The following DNA2 variants were observed in gnomAD, a reference collection of about 807,000 sequenced individuals.
DNA2 encodes the protein DNA replication ATP-dependent helicase/nuclease DNA2.
DNA2 carries 101 observed loss-of-function variants against 119.1 expected under a neutral mutation model. That is an observed-to-expected ratio of 0.85 (90% CI 0.72 to 1.00). DNA2 has a LOEUF of 1.00. Ranked by LOEUF, DNA2 falls within the 50% of genes least tolerant of loss-of-function variation. The pLI, the probability that DNA2 is intolerant of heterozygous loss-of-function variation, is 0.00. For missense variants in DNA2, 1,121 were observed against 1,255.5 expected (o/e 0.89, Z 1.62); for synonymous variants, 366 against 424.4 (o/e 0.86, Z 1.69).
chr10:68,451,103 A>AT (rs2052111844), intron 5 of DNA2, among the ~76,000 whole-genome samples: 1 of 151,330 alleles, frequency 6.6e-6, no homozygotes, highest in African/African-American at 2.4e-5. Flanking sequence ...GTCTAAAAAA[A>AT]AAAAAAAAAA....
At chr10:68,443,328 C>T (rs1044696564) in intron 8 of DNA2, among the ~76,000 whole-genome samples, 11 of 152,146 alleles carry the variant, frequency 7.2e-5, no homozygotes, top group African/African-American at 2.4e-4. Context: ...TTGCCTTCAG[C>T]GACTATCCCC....
At chr10:68,424,777 T>G in intron 14 of DNA2, 2 of 1,350,710 alleles carry the variant, frequency 1.5e-6, no homozygotes, top group Non-Finnish European at 2.1e-6. Context: ...GTAGTCCAGG[T>G]GTACAGAAAG....
intron 10 of DNA2, among the ~76,000 whole-genome samples, chr10:68,434,474 C>T (rs1590056454): frequency 1.3e-5 from 1 of 75,238 alleles, no homozygotes; most frequent in Admixed American, 1.3e-4. Context: ...GTAGTGAGAC[C>T]CCCCCCATCT....
rs1274023485 is a variant in DNA2, at chr10:68,468,265, T to A, written c.299A>T (p.Glu100Val). Reference protein sequence around the residue: ...PVEPGDIIHLEGDCTSDTWII... With the variant: ...PVEPGDIIHLVGDCTSDTWII... ...CCAAGTGTCAGATGTGCAGTCTCCC[T>A]CCAAATGAATGATATCTCCTGGCTC... Residue 100 changes from glutamate (E) to valine (V), a missense_variant, in exon 3 of 21, where the codon GAG (glutamate) becomes GTG (valine). Coordinates refer to ENST00000358410, the MANE Select transcript of DNA2 (RefSeq NM_001080449.3). 1 of 1,609,118 alleles carries A rather than the reference T, an allele frequency of 6.2e-7. No individual in the cohort carries two copies. Among genetic ancestry groups the A allele is most frequent in the Non-Finnish European group, 8.5e-7 (1 of 1,178,092 alleles).
rs780420702 is a variant in DNA2, at chr10:68,422,722, G to C, written c.2377C>G (p.Pro793Ala). The change falls in exon 15 of 21, where the codon CCC becomes GCC. Residue 793 changes from proline to alanine, a missense_variant. Transcript: ENST00000358410. ...VLVGDHQQLP[P>A]LVLNREARAL... is the part of the protein sequence containing the mutation. ...CTTGCTTCACGGTTTAGCACCAGGG[G>C]AGGAAGCTGCTGATGGTCCCCCACT... 5 of 1,612,142 alleles carry C rather than the reference G, an allele frequency of 3.1e-6. No individual in the cohort carries two copies. The Admixed American group carries it at 5.0e-5, about 16-fold the overall frequency.
At chr10:68,418,411 CAA>C (rs754294447) in intron 19 of DNA2, among the ~76,000 whole-genome samples, 13 of 54,316 alleles carry the variant, frequency 2.4e-4, no homozygotes, top group Admixed American at 6.3e-4. Flanking sequence ...AACGCCGTCT[CAA>C]AAAAAAAAAA....
chr10:68,432,963 G>T (rs2051841768), intron 10 of DNA2, among the ~76,000 whole-genome samples: 1 of 151,834 alleles, frequency 6.6e-6, no homozygotes, highest in African/African-American at 2.4e-5. Context: ...TTTGCTCCAG[G>T]GTCCCAGGCC....
chr10:68,419,608 G>A (rs895871635), intron 18 of DNA2, among the ~76,000 whole-genome samples, 195 bp downstream of exon 18: 6 of 151,930 alleles, frequency 3.9e-5, no homozygotes, highest in African/African-American at 4.8e-5. Context: ...AGTTATTATC[G>A]TAAATGAAAA....
At chr10:68,437,276 T>C in intron 9 of DNA2, 35 bp from the exon 10 acceptor site, 1 of 1,503,484 alleles carries the variant, frequency 6.7e-7, no homozygotes. Context: ...AACTTCTGTT[T>C]ATATTACATA....
chr10:68,451,940 T>C (rs1037536869), intron 5 of DNA2, among the ~76,000 whole-genome samples: 1 of 151,310 alleles, frequency 6.6e-6, no homozygotes, highest in Admixed American at 6.6e-5. Context: ...GAAAAAAAAA[T>C]GCTGTCTTAA....
At chr10:68,472,080 C>T (rs769532747), upstream of DNA2, 1 of 1,572,154 alleles carries the variant, frequency 6.4e-7, no homozygotes, top group Admixed American at 1.9e-5. Context: ...TGTCCCCTGC[C>T]TTTGCTCCCT....
At chr10:68,422,163 A>T in intron 17 of DNA2, 62 bp downstream of exon 17, 1 of 1,351,332 alleles carries the variant, frequency 7.4e-7, no homozygotes, top group Non-Finnish European at 9.9e-7. Flanking sequence ...TGCTAATGAA[A>T]ACTGAGAAAT....
intron 4 of DNA2, among the ~76,000 whole-genome samples, chr10:68,459,768 T>C (rs990941722): frequency 3.9e-5 from 6 of 152,120 alleles, no homozygotes; most frequent in African/African-American, 1.4e-4. Context: ...GTGGCTCACA[T>C]CTGTAATCCC....
intron 14 of DNA2, among the ~76,000 whole-genome samples, chr10:68,428,251 G>T (rs150591544): frequency 6.6e-6 from 1 of 152,032 alleles, no homozygotes; most frequent in Non-Finnish European, 1.5e-5. Flanking sequence ...GGCATGAGCT[G>T]GAAGGCGGAG....
chr10:68,457,133 CAA>C (rs113503197), intron 5 of DNA2, among the ~76,000 whole-genome samples: 10 of 119,166 alleles, frequency 8.4e-5, no homozygotes, highest in Admixed American at 9.0e-5. Context: ...GACTCCATCT[CAA>C]AAAAAAAAAA....
chr10:68,432,101 G>A lies in DNA2; in HGVS notation c.1873+105C>T, dbSNP rs144115030. ...ACAAAACCATTTCCAAAGAGTCTTG[G>A]TCTAAACATTGTAGTTGCAAGTCTA... On this transcript the variant is annotated intron_variant, in intron 12 of 20. Transcript: ENST00000358410. 2,108 of 1,110,688 alleles carry A rather than the reference G, an allele frequency of 1.9e-3. 59 individuals are homozygous for A. The East Asian group carries it at 0.042, about 22-fold the overall frequency. The allele number at this position is 1,110,688 out of a possible 1,614,324, so 68.8% of individuals were successfully genotyped here.
At chr10:68,452,046 T>G (rs2052125799) in intron 5 of DNA2, among the ~76,000 whole-genome samples, 1 of 152,180 alleles carries the variant, frequency 6.6e-6, no homozygotes, top group South Asian at 2.1e-4. Flanking sequence ...AAGACAGTAG[T>G]GCAATTCAGA....
At chr10:68,430,317 T>C in intron 14 of DNA2, 119 bp downstream of exon 14, 1 of 703,162 alleles carries the variant, frequency 1.4e-6, no homozygotes. Flanking sequence ...GTATAGTACA[T>C]ATAAATTAAT....
At chr10:68,471,557 A>AG (rs2133454708) in intron 1 of DNA2, among the ~76,000 whole-genome samples, 1 of 152,212 alleles carries the variant, frequency 6.6e-6, no homozygotes, top group African/African-American at 2.4e-5. Context: ...GGTGAAATCA[A>AG]GGGAAACAAT....
Sources: allele counts gnomAD v4.1 joint callset (sites outside exome capture counted in the v4.1 genomes callset), GRCh38; gene constraint gnomAD v4.1.1; transcripts MANE v1.5; gene names NCBI Gene and HGNC (gene_info 2026-07-23, HGNC 2026-07-21).